Variants in ST6GALNAC3 observed in about 807,000 individuals in gnomAD.
The protein encoded by ST6GALNAC3 is ST6 N-acetylgalactosaminide alpha-2,6-sialyltransferase 3, also known as alpha-N-acetylgalactosaminide alpha-2,6-sialyltransferase 3.
In ST6GALNAC3, 25 loss-of-function variants were observed where a neutral mutation model predicts 32.7. That is an observed-to-expected ratio of 0.76 (90% confidence interval 0.56 to 1.07). The LOEUF (loss-of-function observed/expected upper bound fraction) is 1.07, where lower values mean the gene tolerates loss of function less well. Ranked by LOEUF, ST6GALNAC3 falls within the 50% of genes least tolerant of loss-of-function variation. The pLI is 0.00. For missense variants in ST6GALNAC3, 355 were observed against 382.4 expected (o/e 0.93, Z 0.60); for synonymous variants, 129 against 133.1 (o/e 0.97, Z 0.21).
At chr1:76,380,412 T>G (rs567481470) in intron 2 of ST6GALNAC3, among the ~76,000 whole-genome samples, 16 of 152,304 alleles carry the variant, frequency 1.1e-4, no homozygotes, top group African/African-American at 3.8e-4. Context: ...TTGCTATTGT[T>G]AGAATTGAAC....
At chr1:76,338,356 G>A (rs745783351) in intron 2 of ST6GALNAC3, among the ~76,000 whole-genome samples, 9 of 152,110 alleles carry the variant, frequency 5.9e-5, no homozygotes, top group African/African-American at 9.7e-5. Flanking sequence ...CTTTATGCTC[G>A]ATGCAGCCAA....
At chr1:76,519,165 ATT>A (rs566730494) in intron 3 of ST6GALNAC3, among the ~76,000 whole-genome samples, 4 of 151,340 alleles carry the variant, frequency 2.6e-5, no homozygotes, top group Non-Finnish European at 5.9e-5. Context: ...CTTTTTTTAG[ATT>A]TTTTTTTGTT....
chr1:76,286,534 A>G (rs1570696367), intron 1 of ST6GALNAC3, among the ~76,000 whole-genome samples: 2 of 152,078 alleles, frequency 1.3e-5, no homozygotes, highest in Non-Finnish European at 2.9e-5. Flanking sequence ...TTATTTTTCC[A>G]TGTTCCTGGA....
At chr1:76,472,293 C>T (rs1324055453) in intron 3 of ST6GALNAC3, among the ~76,000 whole-genome samples, 4 of 152,158 alleles carry the variant, frequency 2.6e-5, no homozygotes, top group Non-Finnish European at 5.9e-5. Flanking sequence ...GCCTTTCTCT[C>T]TCTTTTTTCT....
At chr1:76,156,941 C>T (rs764777076) in intron 1 of ST6GALNAC3, among the ~76,000 whole-genome samples, 17 of 152,278 alleles carry the variant, frequency 1.1e-4, no homozygotes, top group South Asian at 4.2e-4. Flanking sequence ...CCGTGTTAGC[C>T]AGGATGGTCT....
chr1:76,168,592 T>C (rs1652276231), intron 1 of ST6GALNAC3, among the ~76,000 whole-genome samples: 1 of 152,224 alleles, frequency 6.6e-6, no homozygotes, highest in African/African-American at 2.4e-5. Context: ...TATTATTGTG[T>C]GGGAGTCTAA....
chr1:76,609,538 A>C (rs1647781350), intron 3 of ST6GALNAC3, among the ~76,000 whole-genome samples: 1 of 152,204 alleles, frequency 6.6e-6, no homozygotes, highest in Admixed American at 6.5e-5. Flanking sequence ...AATACCATAA[A>C]TTAATTTAAT....
chr1:76,506,445 C>G (rs1341762055), intron 3 of ST6GALNAC3, among the ~76,000 whole-genome samples: 1 of 152,184 alleles, frequency 6.6e-6, no homozygotes, highest in African/African-American at 2.4e-5. Flanking sequence ...CTTTCCCTGG[C>G]TGTGTGCATC....
intron 3 of ST6GALNAC3, among the ~76,000 whole-genome samples, chr1:76,439,706 C>T (rs995679520): frequency 6.6e-6 from 1 of 152,096 alleles, no homozygotes; most frequent in Non-Finnish European, 1.5e-5. Context: ...TAAGCACAGA[C>T]TAAATGTAAG....
intron 1 of ST6GALNAC3, among the ~76,000 whole-genome samples, chr1:76,299,098 T>A (rs1238884530): frequency 6.6e-6 from 1 of 152,068 alleles, no homozygotes; most frequent in Non-Finnish European, 1.5e-5. Context: ...GCCACCTTCA[T>A]GCTTTGAAAA....
intron 2 of ST6GALNAC3, among the ~76,000 whole-genome samples, chr1:76,331,064 G>A (rs1220155188): frequency 6.6e-6 from 1 of 152,200 alleles, no homozygotes; most frequent in Non-Finnish European, 1.5e-5. Context: ...CTGGGTACCA[G>A]TAGACAATAT....
rs373803267 is a variant in ST6GALNAC3, at chr1:76,628,701, T to A, written c.813T>A (p.His271Gln). Reference sequence around the variant, plus strand: ...GTGATGAATATTTTCTTCATGAACATGCCCCATATGGGGGTCATAGGTTTA... The same window carrying A: ...GTGATGAATATTTTCTTCATGAACAAGCCCCATATGGGGGTCATAGGTTTA... ...DECDEYFLHE[H>Q]APYGGHRFIT... is the part of the protein sequence containing the mutation. The change falls in exon 5 of 5, where the codon CAT (histidine) becomes CAA (glutamine). Residue 271 changes from histidine to glutamine, a missense_variant. Coordinates refer to ENST00000328299, the MANE Select transcript of ST6GALNAC3 (RefSeq NM_152996.4). 12 of 1,612,480 alleles carry A rather than the reference T, an allele frequency of 7.4e-6. No homozygotes were observed. Among genetic ancestry groups the A allele is most frequent in the African/African-American group, 6.7e-5 (5 of 74,886 alleles).
At chr1:76,489,563 T>C (rs977015061) in intron 3 of ST6GALNAC3, among the ~76,000 whole-genome samples, 28 of 152,162 alleles carry the variant, frequency 1.8e-4, no homozygotes, top group African/African-American at 6.5e-4. Flanking sequence ...CTGAAATGCC[T>C]TGACGTCAGA....
intron 3 of ST6GALNAC3, among the ~76,000 whole-genome samples, chr1:76,440,311 AC>A (rs1279755555): frequency 5.3e-5 from 8 of 152,224 alleles, no homozygotes; most frequent in Admixed American, 5.2e-4. Context: ...AGAATTTGTG[AC>A]CCTAATGTTT....
chr1:76,621,054 T>C (rs1570468601), intron 3 of ST6GALNAC3, among the ~76,000 whole-genome samples: 1 of 152,094 alleles, frequency 6.6e-6, no homozygotes, highest in East Asian at 1.9e-4. Context: ...AATCATACCA[T>C]TGGGAGCTGT....
chr1:76,510,655 G>GATGGGGTTAT (rs1661800231), intron 3 of ST6GALNAC3, among the ~76,000 whole-genome samples: 1 of 152,114 alleles, frequency 6.6e-6, no homozygotes, highest in Non-Finnish European at 1.5e-5. Flanking sequence ...GTTATATTTG[G>GATGGGGTTAT]ATAAACCCAT....
chr1:76,392,178 A>T (rs1652616103), intron 2 of ST6GALNAC3, among the ~76,000 whole-genome samples: 1 of 152,182 alleles, frequency 6.6e-6, no homozygotes, highest in African/African-American at 2.4e-5. Context: ...TCCCTAGGGG[A>T]CAAAATTGCT....
At chr1:76,085,522 T>C (rs1309540574) in intron 1 of ST6GALNAC3, among the ~76,000 whole-genome samples, 1 of 152,158 alleles carries the variant, frequency 6.6e-6, no homozygotes, top group Non-Finnish European at 1.5e-5. Context: ...CAAAGTCTCA[T>C]AGTGGGGCTG....
At chr1:76,567,836 C>T (rs1665641166) in intron 3 of ST6GALNAC3, among the ~76,000 whole-genome samples, 1 of 152,172 alleles carries the variant, frequency 6.6e-6, no homozygotes, top group South Asian at 2.1e-4. Flanking sequence ...GAGGACCTGT[C>T]TTCCTAAATT....
Sources: gnomAD v4.1 joint callset for allele counts (sites outside exome capture counted in the v4.1 genomes callset) on GRCh38, gnomAD v4.1.1 for gene constraint, MANE v1.5 for transcripts, NCBI Gene and HGNC (gene_info 2026-07-23, HGNC 2026-07-21) for gene names.